C1orf87: variants seen among roughly 807,000 people sequenced by gnomAD.
The protein encoded by C1orf87 is uncharacterized protein C1orf87.
In C1orf87, 58 loss-of-function variants were observed where a neutral mutation model predicts 60.5. The ratio of observed to expected loss-of-function variants is 0.96; its 90% confidence interval spans 0.78 to 1.19. C1orf87 has a LOEUF of 1.19. C1orf87 is among the 50% of genes most tolerant of loss of function. The pLI is 0.00. For missense variants in C1orf87, 673 were observed against 638.6 expected (o/e 1.05, Z -0.58); for synonymous variants, 236 against 227.4 (o/e 1.04, Z -0.34).
At position 59,990,775 on chromosome 1, in the gene C1orf87, G is replaced by A. The variant is rs1644915744; in HGVS notation, c.1539C>T (p.Asn513=). The A allele has an allele frequency of 1.2e-6, 2 of 1,613,972 alleles. No individual in the cohort carries two copies. The highest frequency in any genetic ancestry group is 1.7e-6 in the Non-Finnish European group (2 of 1,179,972). The change falls in exon 12 of 12, where the codon AAC becomes AAT. Residue 513 remains asparagine (N), a synonymous_variant. Transcript: ENST00000371201. ...CGATTTTCTGAGGGCTCAGGGACAG[G>A]TTGTAAATGAGATTGTAGTTGTGAA... The part of the protein sequence containing the change: ...RLIHNYNLIY[N]LSLSPQKIDQ...
chr1:60,019,475 G>T (rs1415083561), intron 8 of C1orf87, among the ~76,000 whole-genome samples: 1 of 152,200 alleles, frequency 6.6e-6, no homozygotes. Flanking sequence ...TTGGTACCAG[G>T]AGAGTGGGGC....
At chr1:60,037,610 G>A (rs12078682) in intron 6 of C1orf87, among the ~76,000 whole-genome samples, 91 of 152,304 alleles carry the variant, frequency 6.0e-4, no homozygotes, top group African/African-American at 2.1e-3. Context: ...AGAAGGCAGA[G>A]CCCTATGACC....
At chr1:60,046,148 CTTCT>C (rs1163351191) in intron 3 of C1orf87, among the ~76,000 whole-genome samples, 1 of 145,650 alleles carries the variant, frequency 6.9e-6, no homozygotes, top group Non-Finnish European at 1.5e-5. Flanking sequence ...TCCTTCCTTC[CTTCT>C]TTCCTTCCTC....
rs1644913966 is a variant in C1orf87 at position 59,990,615 on chromosome 1, G to A, written c.*58C>T. 1 of 1,582,518 alleles carries A rather than the reference G, an allele frequency of 6.3e-7. No individual in the cohort carries two copies. The highest frequency in any genetic ancestry group is 8.6e-7 in the Non-Finnish European group (1 of 1,157,542). On this transcript the variant is annotated 3_prime_UTR_variant, in exon 12 of 12. Transcript: ENST00000371201. ...CTACACTTAGGCTGGGGAGAAACAT[G>A]TGTCTGGGTAAAAAGGGAGATAAGG...
At chr1:60,064,080 C>G (rs1032498523) in intron 2 of C1orf87, among the ~76,000 whole-genome samples, 4 of 151,582 alleles carry the variant, frequency 2.6e-5, no homozygotes, top group African/African-American at 9.7e-5. Context: ...CCTAGCCTCC[C>G]AGCCTACATC....
intron 2 of C1orf87, among the ~76,000 whole-genome samples, chr1:60,058,808 T>C (rs1645474671): frequency 6.6e-6 from 1 of 152,188 alleles, no homozygotes. Flanking sequence ...TTTGGGATTA[T>C]GTGAGGAGCT....
chr1:60,007,920 T>C (rs1645057315), intron 9 of C1orf87, among the ~76,000 whole-genome samples: 1 of 152,062 alleles, frequency 6.6e-6, no homozygotes. Context: ...AATTCACAGT[T>C]CTACACACCC....
At chr1:60,038,603 C>T (rs1340761854) in intron 5 of C1orf87, among the ~76,000 whole-genome samples, 1 of 152,004 alleles carries the variant, frequency 6.6e-6, no homozygotes, top group East Asian at 1.9e-4. Context: ...TACAACCTAA[C>T]CTCTAGCCTC....
chr1:60,009,631 C>T (rs1477873230), intron 9 of C1orf87, among the ~76,000 whole-genome samples: 1 of 150,228 alleles, frequency 6.7e-6, no homozygotes, highest in Non-Finnish European at 1.5e-5. Context: ...CCCGGACACA[C>T]ACACACGCAC....
At chr1:60,015,153 G>A (rs1269351539) in intron 8 of C1orf87, among the ~76,000 whole-genome samples, 1 of 152,146 alleles carries the variant, frequency 6.6e-6, no homozygotes, top group East Asian at 1.9e-4. Flanking sequence ...TCACTTCCAT[G>A]GTATTAGGAG....
rs1188069326 is a variant in C1orf87 at position 60,055,235 on chromosome 1, C to G, written c.311G>C (p.Gly104Ala). The change falls in exon 3 of 12, where the codon GGG becomes GCG. Residue 104 changes from glycine (G) to alanine (A), a missense_variant. By Grantham distance (60) the Gly-to-Ala change is moderately conservative. Transcript: ENST00000371201. ...ATCCAGGAATCTGCTACTGTTTGCC[C>G]CTGTTAGTAGTTTCTGGTTGTTTTC... ...KSENNQKLLTGANSSRFLDGN... is the reference protein window; with the variant it reads ...KSENNQKLLTAANSSRFLDGN... 6 of 1,613,844 alleles carry G rather than the reference C, an allele frequency of 3.7e-6. No homozygotes were observed. Among genetic ancestry groups the G allele is most frequent in the Non-Finnish European group, 5.1e-6 (6 of 1,179,910 alleles).
intron 3 of C1orf87, among the ~76,000 whole-genome samples, chr1:60,041,647 C>T (rs537652971): frequency 2.0e-5 from 3 of 152,208 alleles, no homozygotes; most frequent in East Asian, 3.9e-4. Flanking sequence ...TGCCATGGAG[C>T]ATGGTATATT....
chr1:60,012,161 C>T (rs1490025937), intron 8 of C1orf87, among the ~76,000 whole-genome samples: 1 of 150,746 alleles, frequency 6.6e-6, no homozygotes, highest in African/African-American at 2.4e-5. Context: ...GGCTACAGCA[C>T]CTTCTGACGC....
chr1:60,033,164 G>A (rs112353240), intron 7 of C1orf87, among the ~76,000 whole-genome samples: 17 of 152,312 alleles, frequency 1.1e-4, no homozygotes, highest in Middle Eastern at 6.8e-3. Context: ...AGGAAAGAGT[G>A]TGAGAAATAA....
Position 60,002,670 on chromosome 1 carries a change from C to T in C1orf87, c.1193-1514G>A, listed in dbSNP as rs576097343. 1.3e-3 allele frequency among the ~76,000 whole-genome samples: 201 copies of T among 152,124 alleles called. 1 individual carries two copies. Among genetic ancestry groups the T allele is most frequent in the African/African-American group, 4.7e-3 (194 of 41,524 alleles). Reference sequence around the variant, plus strand: ...CATTTGTCAATTTTGTCTTTTGTTGCCATTGCTTTTGGTGTTTTAGACATG... The same window carrying T: ...CATTTGTCAATTTTGTCTTTTGTTGTCATTGCTTTTGGTGTTTTAGACATG... On this transcript the variant is annotated intron_variant, in intron 9 of 11. Coordinates refer to ENST00000371201, the MANE Select transcript of C1orf87 (RefSeq NM_152377.3).
In C1orf87 at chr1:60,010,506, A is replaced by G. The variant is rs1477522775; in HGVS notation, c.1128-50T>C. 4 of 1,483,662 alleles carry G rather than the reference A, an allele frequency of 2.7e-6. No homozygotes were observed. The African/African-American group carries it at 4.2e-5, about 15-fold the overall frequency. 91.9% of individuals were successfully genotyped at this position (1,483,662 alleles called of 1,614,324 possible). A position where few individuals can be genotyped will look rare whatever the true frequency, so the allele number is the denominator to read the frequency against. ...TTGGTGATCAATATGATTGCCCTGA[A>G]AGAATGTCCAGTGAAGCTCTGTTTA... On this transcript the variant is annotated intron_variant, in intron 8 of 11. Coordinates refer to ENST00000371201, the MANE Select transcript of C1orf87 (RefSeq NM_152377.3).
intron 2 of C1orf87, among the ~76,000 whole-genome samples, chr1:60,064,871 A>G (rs1193284951): frequency 1.1e-5 from 1 of 91,770 alleles, no homozygotes; most frequent in African/African-American, 4.4e-5. Flanking sequence ...ATATATAAAT[A>G]TATATTTGTT....
chr1:60,040,323 G>C, intron 4 of C1orf87, 143 bp from the exon 5 acceptor site: 1 of 1,007,340 alleles, frequency 9.9e-7, no homozygotes. Context: ...CTGTGGCACT[G>C]AAGGTGAGCA....
At chr1:60,014,799 C>T (rs1264200512) in intron 8 of C1orf87, among the ~76,000 whole-genome samples, 3 of 152,174 alleles carry the variant, frequency 2.0e-5, no homozygotes, top group African/African-American at 7.2e-5. Flanking sequence ...GCTTTTGTCT[C>T]AGCACATACT....
Sources: gnomAD v4.1 joint callset for allele counts (sites outside exome capture counted in the v4.1 genomes callset) on GRCh38, gnomAD v4.1.1 for gene constraint, MANE v1.5 for transcripts, NCBI Gene and HGNC (gene_info 2026-07-23, HGNC 2026-07-21) for gene names.